The following PRICKLE1 variants were observed in gnomAD, a reference collection of about 807,000 sequenced individuals.
PRICKLE1 encodes the protein prickle planar cell polarity protein 1, also known as prickle-like protein 1.
PRICKLE1 carries 14 observed loss-of-function variants against 70.2 expected under a neutral mutation model. The observed-to-expected ratio is 0.20, with a 90% confidence interval of 0.13 to 0.31. The LOEUF is 0.31. Ranked by LOEUF, PRICKLE1 falls within the 10% of genes least tolerant of loss-of-function variation. PRICKLE1 has a pLI of 1.00. For missense variants in PRICKLE1, 821 were observed against 1,026.2 expected, an observed-to-expected ratio of 0.80 and a Z score of 2.73; for synonymous variants, 357 against 379.9, an observed-to-expected ratio of 0.94 and a Z score of 0.70.
At position 42,522,165 on chromosome 12, in the gene PRICKLE1, G is replaced by A. The variant is rs556761442; in HGVS notation, c.-48-49601C>T. Among the ~76,000 whole-genome samples the A allele has an allele frequency of 4.0e-5, 6 of 151,884 alleles. No individual in the cohort carries two copies. In the South Asian group the frequency reaches 1.2e-3, roughly 32 times the overall value. The stretch of plus-strand genomic sequence containing the variant: ...TAATTTTTGTATTTTTAGTAGAGGC[G>A]GGGTTTCACCATGTTGGCCAGGCTG... On this transcript the variant is annotated intron_variant, in intron 1 of 7. Coordinates refer to ENST00000345127, the MANE Select transcript of PRICKLE1 (RefSeq NM_153026.3).
At chr12:42,497,292 T>C (rs1315139017) in intron 1 of PRICKLE1, among the ~76,000 whole-genome samples, 1 of 152,172 alleles carries the variant, frequency 6.6e-6, no homozygotes, top group East Asian at 1.9e-4. Context: ...ACGCCTGTAA[T>C]TCCAGCACTT....
At chr12:42,566,035 G>GA (rs1428220747) in intron 1 of PRICKLE1, among the ~76,000 whole-genome samples, 2 of 152,242 alleles carry the variant, frequency 1.3e-5, no homozygotes, top group African/African-American at 4.8e-5. Flanking sequence ...AAAGGCCAGG[G>GA]AGAGACTGGC....
chr12:42,517,647 G>GT (rs1293932564), intron 1 of PRICKLE1, among the ~76,000 whole-genome samples: 2 of 151,950 alleles, frequency 1.3e-5, no homozygotes, highest in South Asian at 4.2e-4. Flanking sequence ...TCCTAGATCA[G>GT]TTTTTCCACA....
At chr12:42,567,362 G>T (rs1940637113) in intron 1 of PRICKLE1, among the ~76,000 whole-genome samples, 1 of 152,202 alleles carries the variant, frequency 6.6e-6, no homozygotes, top group Admixed American at 6.5e-5. Flanking sequence ...GTCTGCTATA[G>T]AAATTTTCAG....
intron 1 of PRICKLE1, among the ~76,000 whole-genome samples, chr12:42,566,223 G>T (rs568429821): frequency 6.6e-6 from 1 of 152,272 alleles, no homozygotes; most frequent in South Asian, 2.1e-4. Context: ...TGGAGGGAAG[G>T]GGGAAGCTGG....
intron 1 of PRICKLE1, among the ~76,000 whole-genome samples, chr12:42,554,029 G>A (rs752937066): frequency 6.6e-6 from 1 of 152,138 alleles, no homozygotes; most frequent in Non-Finnish European, 1.5e-5. Context: ...GCTTGAACCC[G>A]GGAGGCAGAG....
chr12:42,527,488 G>A (rs989040146), intron 1 of PRICKLE1, among the ~76,000 whole-genome samples: 2 of 152,128 alleles, frequency 1.3e-5, no homozygotes, highest in African/African-American at 4.8e-5. Context: ...TTCCAGCATG[G>A]AAGTCAAGAT....
chr12:42,548,659 G>A (rs1411093416), intron 1 of PRICKLE1, among the ~76,000 whole-genome samples: 3 of 152,180 alleles, frequency 2.0e-5, no homozygotes, highest in Non-Finnish European at 4.4e-5. Context: ...AAGAGGAGGT[G>A]GGATTTGTGT....
At chr12:42,512,715 T>TG (rs2120404101) in intron 1 of PRICKLE1, among the ~76,000 whole-genome samples, 1 of 151,930 alleles carries the variant, frequency 6.6e-6, no homozygotes, top group Non-Finnish European at 1.5e-5. Flanking sequence ...TGGAGTGCAG[T>TG]GGTGTGATCT....
chr12:42,494,987 T>C lies in PRICKLE1; in HGVS notation c.-48-22423A>G, dbSNP rs563141565. ...ATAACTCACGGCAACCTTGAACTCC[T>C]GGGCTCAAGCAATCCTCCTGCATCA... On this transcript the variant is annotated intron_variant, in intron 1 of 7. Transcript: ENST00000345127. Among the ~76,000 whole-genome samples the C allele has an allele frequency of 7.9e-5, 12 of 150,998 alleles. No homozygotes were observed. In the East Asian group the frequency reaches 2.2e-3, roughly 28 times the overall value.
At chr12:42,555,652 T>A (rs962928600) in intron 1 of PRICKLE1, among the ~76,000 whole-genome samples, 2 of 152,202 alleles carry the variant, frequency 1.3e-5, no homozygotes, top group African/African-American at 4.8e-5. Context: ...TTATGGCTTT[T>A]TATAGCTTAA....
intron 1 of PRICKLE1, among the ~76,000 whole-genome samples, chr12:42,477,062 A>G (rs1468333221): frequency 6.6e-6 from 1 of 152,168 alleles, no homozygotes; most frequent in East Asian, 1.9e-4. Context: ...TACGCTTGTA[A>G]AAAGTTACAC....
chr12:42,555,122 G>A (rs2120673767), intron 1 of PRICKLE1, among the ~76,000 whole-genome samples: 1 of 152,196 alleles, frequency 6.6e-6, no homozygotes, highest in East Asian at 1.9e-4. Flanking sequence ...GGGCAACATG[G>A]TGAAACCCTG....
chr12:42,586,222 TC>T (rs1940985267), intron 1 of PRICKLE1, among the ~76,000 whole-genome samples: 1 of 152,150 alleles, frequency 6.6e-6, no homozygotes, highest in South Asian at 2.1e-4. Flanking sequence ...ATTTAGGCAA[TC>T]TTAATATTCT....
At chr12:42,559,898 C>A (rs1452636594) in intron 1 of PRICKLE1, among the ~76,000 whole-genome samples, 1 of 151,546 alleles carries the variant, frequency 6.6e-6, no homozygotes, top group African/African-American at 2.4e-5. Flanking sequence ...AAGTTTGGAG[C>A]CTGTGCTGAA....
intron 1 of PRICKLE1, among the ~76,000 whole-genome samples, chr12:42,527,931 A>G (rs1417676907): frequency 9.2e-5 from 1 of 10,900 alleles, no homozygotes; most frequent in Non-Finnish European, 2.0e-4. Context: ...ATATATATAT[A>G]TATATATATA....
chr12:42,521,929 GGTGTGTGTGTGTGTGTGTGT>G (rs72169209), intron 1 of PRICKLE1, among the ~76,000 whole-genome samples: 1,432 of 139,900 alleles, frequency 0.01, 27 homozygotes, highest in East Asian at 0.056. Flanking sequence ...GTTTGTTTTT[GGTGTGTGTGTGTGTGTGTGT>G]GTGTGTGTGT....
chr12:42,569,109 C>A (rs1940668104), intron 1 of PRICKLE1, among the ~76,000 whole-genome samples: 2 of 152,170 alleles, frequency 1.3e-5, no homozygotes, highest in Admixed American at 6.5e-5. Context: ...TTTTTGACAG[C>A]TGCATAATTT....
intron 1 of PRICKLE1, among the ~76,000 whole-genome samples, chr12:42,545,408 C>T (rs1401668751): frequency 6.6e-6 from 1 of 152,222 alleles, no homozygotes; most frequent in Non-Finnish European, 1.5e-5. Flanking sequence ...TGCACAAAGC[C>T]ATGCTGCATT....
Sources: allele counts gnomAD v4.1 joint callset (sites outside exome capture counted in the v4.1 genomes callset), GRCh38; gene constraint gnomAD v4.1.1; transcripts MANE v1.5; gene names NCBI Gene and HGNC (gene_info 2026-07-23, HGNC 2026-07-21).